PTPRM: variants seen among roughly 807,000 people sequenced by gnomAD.
PTPRM encodes receptor-type tyrosine-protein phosphatase mu.
Under a neutral mutation model 186.7 loss-of-function variants are expected in PTPRM, and 47 were observed. The ratio of observed to expected loss-of-function variants is 0.25; its 90% confidence interval spans 0.20 to 0.32. The LOEUF (loss-of-function observed/expected upper bound fraction) is 0.32, where lower values mean the gene tolerates loss of function less well. PTPRM is among the 10% of genes least tolerant of loss of function. The probability of loss-of-function intolerance (pLI) is 1.00; values close to 1 mark genes in which losing one functional copy is unlikely to be tolerated. For synonymous variants in PTPRM, 668 were observed against 674.9 expected (o/e 0.99, Z 0.16); for missense variants, 1,494 against 1,865.0 (o/e 0.80, Z 3.66).
intron 1 of PTPRM, among the ~76,000 whole-genome samples, chr18:7,754,113 T>C (rs1456061684): frequency 6.6e-6 from 1 of 152,250 alleles, no homozygotes; most frequent in Admixed American, 6.5e-5. Context: ...GAACTTCTTG[T>C]TGAATATAGA....
chr18:7,726,955 G>C (rs1239956423), intron 1 of PTPRM, among the ~76,000 whole-genome samples: 1 of 152,130 alleles, frequency 6.6e-6, no homozygotes, highest in African/African-American at 2.4e-5. Context: ...GCAGTTCATA[G>C]AAAAAGACCT....
intron 1 of PTPRM, among the ~76,000 whole-genome samples, chr18:7,671,132 C>G (rs750704038): frequency 1.4e-4 from 21 of 152,248 alleles, no homozygotes; most frequent in Non-Finnish European, 2.8e-4. Context: ...TAGTTTATTG[C>G]TTTCTTTAAA....
chr18:7,687,923 A>G (rs1231683501), intron 1 of PTPRM, among the ~76,000 whole-genome samples: 2 of 151,910 alleles, frequency 1.3e-5, no homozygotes, highest in Non-Finnish European at 2.9e-5. Flanking sequence ...GACTACAGGC[A>G]CACGCCACCA....
intron 2 of PTPRM, among the ~76,000 whole-genome samples, chr18:7,788,499 A>G (rs1407613810): frequency 2.0e-5 from 3 of 152,188 alleles, no homozygotes; most frequent in African/African-American, 7.2e-5. Context: ...GAGTGAGCTT[A>G]TCTAAGTTCC....
At chr18:7,974,682 CTT>C (rs1227950605) in intron 7 of PTPRM, among the ~76,000 whole-genome samples, 2 of 152,132 alleles carry the variant, frequency 1.3e-5, no homozygotes, top group African/African-American at 2.4e-5. Context: ...GGCTGGCTCT[CTT>C]TGTGGTGATA....
chr18:7,664,892 G>A (rs2039062416), intron 1 of PTPRM, among the ~76,000 whole-genome samples: 1 of 152,200 alleles, frequency 6.6e-6, no homozygotes, highest in Admixed American at 6.5e-5. Flanking sequence ...CATTAACTGT[G>A]ATGTAGAAGT....
chr18:8,402,479 C>T (rs961995987), intron 32 of PTPRM, among the ~76,000 whole-genome samples: 12 of 152,322 alleles, frequency 7.9e-5, no homozygotes, highest in African/African-American at 2.6e-4. Flanking sequence ...CACATCTCTC[C>T]ACTAGGTGCA....
intron 1 of PTPRM, among the ~76,000 whole-genome samples, chr18:7,647,880 G>A (rs1451836783): frequency 6.6e-6 from 1 of 152,228 alleles, no homozygotes; most frequent in African/African-American, 2.4e-5. Flanking sequence ...CTCAGGTGAT[G>A]CACATGCTGC....
At chr18:7,938,014 G>A (rs1294543245) in intron 5 of PTPRM, among the ~76,000 whole-genome samples, 1 of 152,136 alleles carries the variant, frequency 6.6e-6, no homozygotes, top group Admixed American at 6.5e-5. Flanking sequence ...CCTAGAATTG[G>A]CCATTTTTCC....
At chr18:8,282,945 T>A (rs1308019113) in intron 19 of PTPRM, among the ~76,000 whole-genome samples, 2 of 152,202 alleles carry the variant, frequency 1.3e-5, no homozygotes, top group African/African-American at 2.4e-5. Context: ...CTTGGATGGA[T>A]CTCAAGGGCA....
chr18:7,737,784 A>G (rs905880906), intron 1 of PTPRM, among the ~76,000 whole-genome samples: 4 of 152,186 alleles, frequency 2.6e-5, no homozygotes, highest in African/African-American at 7.2e-5. Context: ...CATTCTCAGC[A>G]TAGGGGCAAT....
intron 13 of PTPRM, chr18:8,122,268 A>C (rs930192950): frequency 6.6e-6 from 1 of 152,640 alleles, no homozygotes; most frequent in Admixed American, 6.5e-5. Flanking sequence ...TCAGCTTACA[A>C]CACCTTACAT....
chr18:8,073,624 TG>T (rs1241673946), intron 8 of PTPRM, among the ~76,000 whole-genome samples: 2 of 152,238 alleles, frequency 1.3e-5, no homozygotes, highest in East Asian at 3.8e-4. Context: ...TTAACTTGGC[TG>T]GGTATAGTAA....
chr18:8,098,449 A>C (rs575176465), intron 11 of PTPRM, among the ~76,000 whole-genome samples: 1 of 152,190 alleles, frequency 6.6e-6, no homozygotes, highest in Non-Finnish European at 1.5e-5. Context: ...TTTATTACAG[A>C]TAAGAAGACC....
intron 1 of PTPRM, among the ~76,000 whole-genome samples, chr18:7,700,363 G>A (rs1000134400): frequency 6.6e-6 from 1 of 151,240 alleles, no homozygotes; most frequent in Non-Finnish European, 1.5e-5. Context: ...GCAAGATTTG[G>A]GTACCCTACA....
chr18:8,108,249 C>A (rs1486224219), intron 11 of PTPRM, among the ~76,000 whole-genome samples: 1 of 151,900 alleles, frequency 6.6e-6, no homozygotes, highest in Admixed American at 6.6e-5. Context: ...ACAAATCAAG[C>A]CAAAAGTCAC....
chr18:8,102,168 A>G (rs1458877657), intron 11 of PTPRM, among the ~76,000 whole-genome samples: 2 of 152,220 alleles, frequency 1.3e-5, no homozygotes, highest in Non-Finnish European at 2.9e-5. Flanking sequence ...GCCTTCAATG[A>G]GGCATAATCT....
intron 14 of PTPRM, among the ~76,000 whole-genome samples, chr18:8,145,047 A>G (rs773937475): frequency 4.6e-5 from 7 of 152,156 alleles, no homozygotes; most frequent in Non-Finnish European, 8.8e-5. Context: ...ATTTTTAGGA[A>G]TATAACTCTA....
chr18:8,371,006 G>C lies in PTPRM; in HGVS notation c.3171G>C (p.Lys1057Asn). The part of the protein sequence containing the change: ...EYVIRTFAVE[K>N]RGVHEIREIR... ...TGATAAGAACATTTGCTGTTGAAAA[G>C]GTAAGTTTTCATACTGCTTTTAAAA... is the stretch of plus-strand genomic sequence containing the variant. Residue 1057 changes from lysine to asparagine, a missense_variant and splice_region_variant, in exon 24 of 33, where the codon AAG becomes AAC. Transcript: ENST00000580170. 1 of 1,560,020 alleles carries C rather than the reference G, an allele frequency of 6.4e-7. No homozygotes were observed. Among genetic ancestry groups the C allele is most frequent in the South Asian group, 1.1e-5 (1 of 88,730 alleles).
Sources: gnomAD v4.1 joint callset for allele counts (sites outside exome capture counted in the v4.1 genomes callset) on GRCh38, gnomAD v4.1.1 for gene constraint, MANE v1.5 for transcripts, NCBI Gene and HGNC (gene_info 2026-07-23, HGNC 2026-07-21) for gene names.